SND1: variants seen among roughly 807,000 people sequenced by gnomAD.
SND1 encodes staphylococcal nuclease domain-containing protein 1.
In SND1, 38 loss-of-function variants were observed where a neutral mutation model predicts 121.7. That is an observed-to-expected ratio of 0.31 (90% CI 0.24 to 0.41). The LOEUF (loss-of-function observed/expected upper bound fraction) is 0.41. Among genes scored for constraint, SND1 ranks in the 10% least tolerant of loss-of-function variants. The pLI is 1.00. For synonymous variants in SND1, 401 were observed against 447.4 expected, an observed-to-expected ratio of 0.90 and a Z score of 1.31; for missense variants, 868 against 1,184.6, an observed-to-expected ratio of 0.73 and a Z score of 3.92.
intron 11 of SND1, among the ~76,000 whole-genome samples, chr7:127,825,892 T>G (rs1277139225): frequency 6.6e-6 from 1 of 152,206 alleles, no homozygotes; most frequent in Non-Finnish European, 1.5e-5. Flanking sequence ...TGTGTCCTTT[T>G]TTAAAATGGA....
chr7:127,806,295 A>G lies in SND1; in HGVS notation c.1153-1189A>G, dbSNP rs534922767. Among the ~76,000 whole-genome samples, 8 of 152,140 alleles carry G rather than the reference A, an allele frequency of 5.3e-5. No individual in the cohort carries two copies. In the East Asian group the frequency reaches 1.5e-3, roughly 29 times the overall value. Reference sequence around the variant, plus strand: ...CAGTTCCCGTTAATTCATTTCTTCAAGTGGTTCTCATCATCTCTCGGGCTC... The same window carrying G: ...CAGTTCCCGTTAATTCATTTCTTCAGGTGGTTCTCATCATCTCTCGGGCTC... On this transcript the variant is annotated intron_variant, in intron 10 of 23. Transcript: ENST00000354725.
At chr7:127,923,589 C>T (rs1355728189) in intron 14 of SND1, among the ~76,000 whole-genome samples, 4 of 152,136 alleles carry the variant, frequency 2.6e-5, no homozygotes, top group Non-Finnish European at 5.9e-5. Flanking sequence ...GGCTCTTCAT[C>T]GAATCATAAA....
intron 10 of SND1, among the ~76,000 whole-genome samples, chr7:127,795,093 C>T (rs1254490722): frequency 6.6e-6 from 1 of 152,182 alleles, no homozygotes; most frequent in Non-Finnish European, 1.5e-5. Context: ...GAAATTTCCC[C>T]TTTTTAATGT....
chr7:127,663,675 C>CT (rs959947264), intron 1 of SND1, among the ~76,000 whole-genome samples: 19 of 152,050 alleles, frequency 1.2e-4, no homozygotes, highest in Non-Finnish European at 2.6e-4. Flanking sequence ...CACGCCTGGC[C>CT]TTACTGTACT....
At chr7:127,994,294 T>TAA (rs1276615114) in intron 16 of SND1, among the ~76,000 whole-genome samples, 1 of 152,140 alleles carries the variant, frequency 6.6e-6, no homozygotes, top group Non-Finnish European at 1.5e-5. Context: ...CCTGCCCTCT[T>TAA]ACGTTGCATT....
chr7:127,666,914 T>C (rs567400516), intron 1 of SND1, among the ~76,000 whole-genome samples: 13 of 152,342 alleles, frequency 8.5e-5, no homozygotes, highest in East Asian at 3.9e-4. Flanking sequence ...TATTCCTTTA[T>C]GATAATCTCC....
intron 12 of SND1, among the ~76,000 whole-genome samples, chr7:127,886,462 A>G (rs530268575): frequency 1.4e-4 from 21 of 152,012 alleles, no homozygotes; most frequent in Non-Finnish European, 3.1e-4. Flanking sequence ...ATTTTCAAAC[A>G]ATACTCAGTC....
At chr7:127,671,139 A>C (rs146356075) in intron 1 of SND1, among the ~76,000 whole-genome samples, 3 of 152,306 alleles carry the variant, frequency 2.0e-5, no homozygotes, top group African/African-American at 7.2e-5. Context: ...AGAACCACCA[A>C]CGAGACCTAG....
At chr7:128,088,750 G>A (rs1014495202) in intron 21 of SND1, among the ~76,000 whole-genome samples, 8 of 151,560 alleles carry the variant, frequency 5.3e-5, no homozygotes, top group Non-Finnish European at 1.0e-4. Flanking sequence ...ACCACACCTG[G>A]CCTAGTCCCT....
chr7:128,021,799 A>T (rs1002229647), intron 16 of SND1, among the ~76,000 whole-genome samples: 1 of 152,202 alleles, frequency 6.6e-6, no homozygotes, highest in Admixed American at 6.5e-5. Flanking sequence ...CTCATGCAGG[A>T]TTTCCTAGGT....
chr7:128,013,093 T>C (rs2116950998), intron 16 of SND1, among the ~76,000 whole-genome samples: 1 of 152,228 alleles, frequency 6.6e-6, no homozygotes, highest in East Asian at 1.9e-4. Context: ...CACTGTCCAG[T>C]GCTACATCCA....
chr7:127,946,677 T>G (rs914998480), intron 15 of SND1, among the ~76,000 whole-genome samples: 17 of 152,236 alleles, frequency 1.1e-4, no homozygotes, highest in African/African-American at 4.1e-4. Context: ...TTTCCTGGAC[T>G]GTTGCATCTG....
In SND1 at chr7:127,738,347, C is replaced by T. The variant is rs372380026; in HGVS notation, c.1152+16947C>T. On this transcript the variant is annotated intron_variant, in intron 10 of 23. Transcript: ENST00000354725. ...TTGCCCAGGCTGGAGTGCAATGGCG[C>T]GATCTCGGCTCACTGCAACCTCCCA... Among the ~76,000 whole-genome samples, 4 of 146,906 alleles carry T rather than the reference C, an allele frequency of 2.7e-5. No individual in the cohort carries two copies. In the South Asian group the frequency reaches 6.4e-4, roughly 24 times the overall value.
intron 12 of SND1, among the ~76,000 whole-genome samples, chr7:127,876,823 T>A (rs1182827624): frequency 6.6e-6 from 1 of 152,152 alleles, no homozygotes. Flanking sequence ...GAGTGTCACT[T>A]TGGGGACATT....
At chr7:128,057,827 A>G (rs950333456) in intron 16 of SND1, among the ~76,000 whole-genome samples, 1 of 152,236 alleles carries the variant, frequency 6.6e-6, no homozygotes, top group Admixed American at 6.5e-5. Flanking sequence ...AGGCACAGAG[A>G]TATGAAACTT....
chr7:127,702,592 T>G, intron 6 of SND1, 66 bp downstream of exon 6: 2 of 1,293,886 alleles, frequency 1.5e-6, no homozygotes, highest in Non-Finnish European at 2.3e-6. Flanking sequence ...TGGATTCTTC[T>G]ACTTGGGGAC....
At chr7:127,652,988 A>G (rs1484226873) in intron 1 of SND1, among the ~76,000 whole-genome samples, 3 of 151,946 alleles carry the variant, frequency 2.0e-5, no homozygotes, top group South Asian at 2.1e-4. Context: ...ATCTTTGTGT[A>G]CTTTTGACTT....
At chr7:127,661,885 GTGGGTAGATCACT>G (rs1361148348) in intron 1 of SND1, among the ~76,000 whole-genome samples, 14 of 152,180 alleles carry the variant, frequency 9.2e-5, no homozygotes, top group African/African-American at 2.9e-4. Flanking sequence ...GGAAGCCGAG[GTGGGTAGATCACT>G]TGAGGTTAGG....
At chr7:127,680,441 C>T (rs780242724) in intron 1 of SND1, among the ~76,000 whole-genome samples, 6 of 151,970 alleles carry the variant, frequency 3.9e-5, no homozygotes, top group Admixed American at 6.6e-5. Flanking sequence ...CAGTCTCGAC[C>T]GTAGAAAACG....
Sources: allele counts gnomAD v4.1 joint callset (sites outside exome capture counted in the v4.1 genomes callset), GRCh38; gene constraint gnomAD v4.1.1; transcripts MANE v1.5; gene names NCBI Gene and HGNC (gene_info 2026-07-23, HGNC 2026-07-21).